AFG2A: variants seen among roughly 807,000 people sequenced by gnomAD.
AFG2A encodes AAA ATPase AFG2A, also known as ATPase family gene 2 protein homolog A.
chr4:123,195,213 C>G, the AFG2A span, among the ~76,000 whole-genome samples: 1 of 152,174 alleles, frequency 6.6e-6, no homozygotes, highest in Non-Finnish European at 1.5e-5. Context: ...CCCAAATGTT[C>G]CCTTTTCTCG....
chr4:123,179,363 CAG>C, the AFG2A span, among the ~76,000 whole-genome samples: 22 of 152,184 alleles, frequency 1.4e-4, no homozygotes, highest in African/African-American at 4.8e-4. Flanking sequence ...AAGTACGTGA[CAG>C]AGTCTCACTG....
At chr4:123,269,194 C>T in the AFG2A span, among the ~76,000 whole-genome samples, 2 of 152,162 alleles carry the variant, frequency 1.3e-5, no homozygotes, top group Admixed American at 6.5e-5. Flanking sequence ...CTTTCCCCTC[C>T]ATCAAATAAA....
chr4:122,973,823 A>G, the AFG2A span, among the ~76,000 whole-genome samples: 1 of 152,146 alleles, frequency 6.6e-6, no homozygotes, highest in Non-Finnish European at 1.5e-5. Context: ...GACTATAGGC[A>G]CATGCCACGA....
the AFG2A span, among the ~76,000 whole-genome samples, chr4:123,159,071 C>T: frequency 6.6e-6 from 1 of 152,150 alleles, no homozygotes; most frequent in Non-Finnish European, 1.5e-5. Context: ...GTGTTCTGTC[C>T]ATTACATTTT....
the AFG2A span, among the ~76,000 whole-genome samples, chr4:123,263,283 C>A: frequency 1.3e-5 from 2 of 152,150 alleles, no homozygotes; most frequent in Admixed American, 1.3e-4. Flanking sequence ...CTTTTTGTTA[C>A]AGCAAAAAGC....
At chr4:123,200,308 A>C in the AFG2A span, among the ~76,000 whole-genome samples, 1 of 152,238 alleles carries the variant, frequency 6.6e-6, no homozygotes, top group Non-Finnish European at 1.5e-5. Context: ...TTCTACTGCA[A>C]TTATTTCATA....
At chr4:123,050,364 G>A in the AFG2A span, among the ~76,000 whole-genome samples, 2 of 150,514 alleles carry the variant, frequency 1.3e-5, no homozygotes, top group Admixed American at 6.6e-5. Flanking sequence ...TTGATTTTTT[G>A]CCTGAACTGT....
chr4:123,081,139 G>T, the AFG2A span, among the ~76,000 whole-genome samples: 5 of 152,086 alleles, frequency 3.3e-5, no homozygotes, highest in African/African-American at 1.2e-4. Flanking sequence ...TAACATTAGG[G>T]TTAACTCTTG....
chr4:123,302,992 G>T, the AFG2A span, among the ~76,000 whole-genome samples: 3 of 152,096 alleles, frequency 2.0e-5, no homozygotes, highest in African/African-American at 7.2e-5. Flanking sequence ...AAGATTTCTT[G>T]AATAAATGAA....
At chr4:123,257,142 A>G in the AFG2A span, among the ~76,000 whole-genome samples, 2 of 152,240 alleles carry the variant, frequency 1.3e-5, no homozygotes, top group African/African-American at 4.8e-5. Context: ...CCGAGAGTCT[A>G]TTTGGAACTG....
the AFG2A span, among the ~76,000 whole-genome samples, chr4:123,021,354 T>G: frequency 2.0e-5 from 3 of 152,094 alleles, no homozygotes; most frequent in Non-Finnish European, 4.4e-5. Flanking sequence ...TGACAAACAG[T>G]CTTCACCAAG....
chr4:123,025,227 C>T, the AFG2A span, among the ~76,000 whole-genome samples: 1 of 152,220 alleles, frequency 6.6e-6, no homozygotes, highest in Non-Finnish European at 1.5e-5. Flanking sequence ...TCCAGTTACA[C>T]TCTTCTGTTG....
At chr4:123,037,322 T>G in the AFG2A span, among the ~76,000 whole-genome samples, 4 of 152,096 alleles carry the variant, frequency 2.6e-5, no homozygotes, top group African/African-American at 9.7e-5. Context: ...GACAAATATT[T>G]TCACATGTGT....
At chr4:123,209,434 C>T in the AFG2A span, among the ~76,000 whole-genome samples, 15 of 152,054 alleles carry the variant, frequency 9.9e-5, no homozygotes, top group South Asian at 1.5e-3. Flanking sequence ...TTTTTCAACT[C>T]ATATCCTCCC....
At chr4:123,133,197 A>G in the AFG2A span, among the ~76,000 whole-genome samples, 4 of 152,206 alleles carry the variant, frequency 2.6e-5, no homozygotes, top group East Asian at 1.9e-4. Flanking sequence ...TATGCAGCCT[A>G]TGGGGACCAC....
the AFG2A span, among the ~76,000 whole-genome samples, chr4:123,228,402 A>T: frequency 1.3e-5 from 2 of 151,900 alleles, no homozygotes; most frequent in Admixed American, 6.6e-5. Flanking sequence ...TTTATTAAAG[A>T]GGAAAATCTT....
At chr4:123,304,119 C>G in the AFG2A span, among the ~76,000 whole-genome samples, 1 of 152,050 alleles carries the variant, frequency 6.6e-6, no homozygotes, top group African/African-American at 2.4e-5. Flanking sequence ...TCTCCAATGC[C>G]ATTTTACTCC....
the AFG2A span, among the ~76,000 whole-genome samples, chr4:123,086,530 T>C: frequency 6.6e-6 from 1 of 152,192 alleles, no homozygotes. Flanking sequence ...CTGCTCAGTG[T>C]TCACTGGACT....
the AFG2A span, among the ~76,000 whole-genome samples, chr4:123,204,923 G>A: frequency 6.6e-6 from 1 of 152,286 alleles, no homozygotes; most frequent in East Asian, 1.9e-4. Flanking sequence ...TATGTTGGGA[G>A]TATGTATACA....
Sources: allele counts gnomAD v4.1 joint callset (sites outside exome capture counted in the v4.1 genomes callset), GRCh38; gene constraint gnomAD v4.1.1; transcripts MANE v1.5; gene names NCBI Gene and HGNC (gene_info 2026-07-23, HGNC 2026-07-21).